The following SOX6 variants were observed in gnomAD, a reference collection of about 807,000 sequenced individuals.
SOX6 encodes the protein transcription factor SOX-6.
Under a neutral mutation model 97.8 loss-of-function variants are expected in SOX6, and 11 were observed. The observed-to-expected ratio is 0.11, with a 90% confidence interval of 0.07 to 0.19. The LOEUF (loss-of-function observed/expected upper bound fraction) is 0.19, where lower values mean the gene tolerates loss of function less well. SOX6 is among the 10% of genes least tolerant of loss of function. SOX6 has a pLI of 1.00. For missense variants in SOX6, 810 were observed against 1,039.5 expected, an observed-to-expected ratio of 0.78 and a Z score of 3.04; for synonymous variants, 360 against 371.4, an observed-to-expected ratio of 0.97 and a Z score of 0.35.
At chr11:16,614,378 T>C (rs1590010273) in intron 3 of SOX6, among the ~76,000 whole-genome samples, 1 of 152,134 alleles carries the variant, frequency 6.6e-6, no homozygotes, top group East Asian at 1.9e-4. Flanking sequence ...AGACGAGAAT[T>C]GCGTGCAAGA....
chr11:16,070,603 G>C (rs1848200470), intron 9 of SOX6, among the ~76,000 whole-genome samples: 1 of 152,018 alleles, frequency 6.6e-6, no homozygotes, highest in Non-Finnish European at 1.5e-5. Flanking sequence ...GAAACAAAAG[G>C]GTTAGTGAAC....
chr11:16,062,614 T>C (rs1847987139), intron 9 of SOX6, among the ~76,000 whole-genome samples: 1 of 151,730 alleles, frequency 6.6e-6, no homozygotes, highest in African/African-American at 2.4e-5. Flanking sequence ...TCACACTGAT[T>C]GTTTGGGATA....
At chr11:15,985,883 AT>A (rs1330362177) in intron 15 of SOX6, among the ~76,000 whole-genome samples, 2 of 152,062 alleles carry the variant, frequency 1.3e-5, no homozygotes, top group Non-Finnish European at 2.9e-5. Context: ...GTTAGTTTTT[AT>A]TTTTCCTCCC....
intron 4 of SOX6, among the ~76,000 whole-genome samples, chr11:16,590,117 G>A (rs1349218823): frequency 2.0e-5 from 3 of 152,186 alleles, no homozygotes; most frequent in Non-Finnish European, 4.4e-5. Context: ...TGTGAATGAT[G>A]TCTTCTGGCA....
intron 3 of SOX6, among the ~76,000 whole-genome samples, chr11:16,705,528 G>A (rs532462922): frequency 1.3e-5 from 2 of 152,266 alleles, no homozygotes; most frequent in East Asian, 3.9e-4. Context: ...TTGGGAGGCT[G>A]AGGCGGGAGG....
At chr11:16,169,799 A>G (rs1159464704) in intron 6 of SOX6, among the ~76,000 whole-genome samples, 1 of 152,072 alleles carries the variant, frequency 6.6e-6, no homozygotes, top group Non-Finnish European at 1.5e-5. Flanking sequence ...TAGTGAATTA[A>G]TATTCCATGA....
chr11:16,547,012 T>C (rs1847628911), intron 4 of SOX6, among the ~76,000 whole-genome samples: 1 of 152,104 alleles, frequency 6.6e-6, no homozygotes, highest in African/African-American at 2.4e-5. Flanking sequence ...TTTTTAAAAA[T>C]ACTCAATATC....
intron 3 of SOX6, among the ~76,000 whole-genome samples, chr11:16,270,450 A>G (rs1457167165): frequency 1.3e-5 from 2 of 151,436 alleles, no homozygotes; most frequent in Non-Finnish European, 3.0e-5. Flanking sequence ...GCAATTCCTC[A>G]AAAAGCTAAA....
intron 1 of SOX6, among the ~76,000 whole-genome samples, chr11:16,415,427 A>G (rs1169061376): frequency 6.6e-6 from 1 of 152,142 alleles, no homozygotes; most frequent in Non-Finnish European, 1.5e-5. Flanking sequence ...TGGTTAAAAG[A>G]TACAAAATTA....
intron 1 of SOX6, among the ~76,000 whole-genome samples, chr11:16,384,846 G>GT (rs1408887974): frequency 2.6e-5 from 4 of 151,916 alleles, no homozygotes; most frequent in Non-Finnish European, 4.4e-5. Context: ...CTGACCTGTA[G>GT]TATCTATCTC....
chr11:16,255,312 C>T (rs1853650535), intron 3 of SOX6, among the ~76,000 whole-genome samples: 1 of 152,024 alleles, frequency 6.6e-6, no homozygotes, highest in South Asian at 2.1e-4. Context: ...TTTACACATT[C>T]TTCTCAAACT....
chr11:15,974,354 TTTG>T (rs143499673), intron 15 of SOX6, among the ~76,000 whole-genome samples: 8,001 of 148,494 alleles, frequency 0.054, 529 homozygotes, highest in East Asian at 0.35. Context: ...CATTCTTTTT[TTTG>T]TTTTTTTCTG....
chr11:16,525,600 A>G (rs1459828452), intron 4 of SOX6, among the ~76,000 whole-genome samples: 1 of 151,246 alleles, frequency 6.6e-6, no homozygotes, highest in Admixed American at 6.6e-5. Flanking sequence ...AAACACCAAA[A>G]GCAATGGCAA....
chr11:16,357,053 C>T (rs974428831), upstream of SOX6, among the ~76,000 whole-genome samples: 1 of 152,068 alleles, frequency 6.6e-6, no homozygotes, highest in African/African-American at 2.4e-5. Flanking sequence ...CACTGGAGAT[C>T]ACTCAATAGA....
intron 3 of SOX6, among the ~76,000 whole-genome samples, chr11:16,618,017 T>A (rs1848492791): frequency 6.6e-6 from 1 of 151,906 alleles, no homozygotes; most frequent in African/African-American, 2.4e-5. Context: ...AAGTAATTAT[T>A]GCAAGAGATC....
chr11:16,034,091 CTAATT>C (rs1855454926), intron 12 of SOX6, among the ~76,000 whole-genome samples: 1 of 152,106 alleles, frequency 6.6e-6, no homozygotes, highest in Non-Finnish European at 1.5e-5. Flanking sequence ...AAAATGGATA[CTAATT>C]TAATTGTTGA....
At chr11:16,422,851 C>T (rs1859045672) in intron 1 of SOX6, among the ~76,000 whole-genome samples, 1 of 152,120 alleles carries the variant, frequency 6.6e-6, no homozygotes, top group Admixed American at 6.5e-5. Flanking sequence ...ATAGTATGTA[C>T]CATTTTCTGC....
chr11:16,021,288 C>T (rs1855052272), intron 12 of SOX6, among the ~76,000 whole-genome samples: 1 of 152,148 alleles, frequency 6.6e-6, no homozygotes, highest in African/African-American at 2.4e-5. Context: ...AAGAGATATT[C>T]TGTCTCTTAC....
At chr11:16,461,164 CAAG>C in intron 1 of SOX6, among the ~76,000 whole-genome samples, 1 of 152,218 alleles carries the variant, frequency 6.6e-6, no homozygotes, top group African/African-American at 2.4e-5. Flanking sequence ...CTGTGATGAA[CAAG>C]AAGAAAGCAA....
Sources: gnomAD v4.1 joint callset for allele counts (sites outside exome capture counted in the v4.1 genomes callset) on GRCh38, gnomAD v4.1.1 for gene constraint, MANE v1.5 for transcripts, NCBI Gene and HGNC (gene_info 2026-07-23, HGNC 2026-07-21) for gene names.